The following CDH4 variants were observed in gnomAD, a reference collection of about 807,000 sequenced individuals.
CDH4 encodes the protein cadherin 4.
Under a neutral mutation model 86.0 loss-of-function variants are expected in CDH4, and 33 were observed. The ratio of observed to expected loss-of-function variants is 0.38; its 90% CI spans 0.29 to 0.51. CDH4 has a LOEUF of 0.51. CDH4 is among the 20% of genes least tolerant of loss of function. CDH4 has a pLI of 0.86. For missense variants in CDH4, 1,114 were observed against 1,307.4 expected, an observed-to-expected ratio of 0.85 and a Z score of 2.28; for synonymous variants, 555 against 549.4, an observed-to-expected ratio of 1.01 and a Z score of -0.14.
At chr20:61,936,256 C>A (rs989254355) in intron 15 of CDH4, among the ~76,000 whole-genome samples, 30 of 147,166 alleles carry the variant, frequency 2.0e-4, no homozygotes, top group Middle Eastern at 3.5e-3. Context: ...TCACCTCCCC[C>A]ACACCACCCC....
rs1568689118 is a variant in CDH4, at chr20:61,565,339, A to ATGGGGTGATGGTG, written c.170-178224_170-178223insTGGGGTGATGGTG. On this transcript the variant is annotated intron_variant, in intron 2 of 15. Coordinates refer to ENST00000614565, the MANE Select transcript of CDH4 (RefSeq NM_001794.5). ...TGGCGGTGCTCTTGGTGATGGTGGT[A>ATGGGGTGATGGTG]GTGGTCCTCTTGGTGATGGGGTGAT... Among the ~76,000 whole-genome samples the ATGGGGTGATGGTG allele has an allele frequency of 8.9e-4, 8 of 8,962 alleles. 1 individual carries two copies. Among genetic ancestry groups the ATGGGGTGATGGTG allele is most frequent in the Non-Finnish European group, 1.5e-3 (8 of 5,310 alleles). 5.9% of individuals were successfully genotyped at this position (8,962 alleles called of 152,430 possible). A position where few individuals can be genotyped will look rare whatever the true frequency, so the allele number is the denominator to read the frequency against.
intron 8 of CDH4, among the ~76,000 whole-genome samples, chr20:61,897,047 G>A (rs963392466): frequency 5.3e-5 from 8 of 152,234 alleles, no homozygotes; most frequent in East Asian, 1.9e-4. Flanking sequence ...TCTGAAAAAC[G>A]GCCAGCCCAG....
At chr20:61,406,591 C>T (rs6089501) in intron 2 of CDH4, among the ~76,000 whole-genome samples, 32,537 of 115,568 alleles carry the variant, frequency 0.28, 7,810 homozygotes, top group South Asian at 0.47. Flanking sequence ...TCTGCTCTGC[C>T]CAGACCACCA....
At chr20:61,341,497 A>G (rs1033128688) in intron 2 of CDH4, among the ~76,000 whole-genome samples, 3 of 150,848 alleles carry the variant, frequency 2.0e-5, no homozygotes, top group Non-Finnish European at 1.5e-5. Context: ...TCAGGGCAAG[A>G]TTACTTGGTT....
chr20:61,304,073 T>C (rs1289012252), intron 2 of CDH4, among the ~76,000 whole-genome samples: 1 of 152,150 alleles, frequency 6.6e-6, no homozygotes, highest in African/African-American at 2.4e-5. Flanking sequence ...TATGGGACCC[T>C]CAAGGAACCC....
intron 3 of CDH4, among the ~76,000 whole-genome samples, chr20:61,759,928 A>C (rs2088611853): frequency 6.6e-6 from 1 of 152,160 alleles, no homozygotes; most frequent in East Asian, 1.9e-4. Flanking sequence ...CGAGGTTGAG[A>C]AACCTGGTCT....
intron 3 of CDH4, among the ~76,000 whole-genome samples, chr20:61,764,274 C>T (rs532140426): frequency 3.6e-4 from 55 of 152,330 alleles, no homozygotes; most frequent in African/African-American, 1.3e-3. Context: ...GCACCTTGCC[C>T]GTGAACCCCG....
chr20:61,445,809 A>G (rs1477939850), intron 2 of CDH4, among the ~76,000 whole-genome samples: 2 of 152,250 alleles, frequency 1.3e-5, no homozygotes, highest in Non-Finnish European at 1.5e-5. Context: ...GCTGGACGCC[A>G]TGGTCCTTCG....
intron 2 of CDH4, among the ~76,000 whole-genome samples, chr20:61,652,953 T>A (rs1359853642): frequency 8.0e-6 from 1 of 124,346 alleles, no homozygotes. Context: ...TTTTTTTTTT[T>A]TTATTGATCA....
chr20:61,872,494 T>A (rs1463362372), intron 6 of CDH4, among the ~76,000 whole-genome samples: 1 of 151,882 alleles, frequency 6.6e-6, no homozygotes, highest in Non-Finnish European at 1.5e-5. Flanking sequence ...TCTCTGAGAC[T>A]GCCACCCCGC....
intron 4 of CDH4, among the ~76,000 whole-genome samples, chr20:61,787,778 T>C (rs1358616235): frequency 2.6e-5 from 4 of 152,196 alleles, no homozygotes; most frequent in Non-Finnish European, 1.5e-5. Context: ...CTGAATGCAG[T>C]GGCAGAGAGA....
At chr20:61,318,343 C>T (rs1332182746) in intron 2 of CDH4, among the ~76,000 whole-genome samples, 4 of 152,188 alleles carry the variant, frequency 2.6e-5, no homozygotes, top group South Asian at 2.1e-4. Flanking sequence ...TGAGTGCCAG[C>T]GGATGCAGCC....
chr20:61,801,953 C>T (rs988420340), intron 4 of CDH4, among the ~76,000 whole-genome samples: 9 of 152,234 alleles, frequency 5.9e-5, no homozygotes, highest in African/African-American at 1.9e-4. Context: ...GGATGAGAAC[C>T]CAGATGTCTC....
At chr20:61,282,732 C>A (rs1413392129) in intron 2 of CDH4, among the ~76,000 whole-genome samples, 1 of 152,210 alleles carries the variant, frequency 6.6e-6, no homozygotes, top group Non-Finnish European at 1.5e-5. Flanking sequence ...TGCATGCCCA[C>A]AAGCATGCAT....
intron 2 of CDH4, among the ~76,000 whole-genome samples, chr20:61,741,565 C>T (rs534286828): frequency 6.6e-6 from 1 of 152,000 alleles, no homozygotes; most frequent in South Asian, 2.1e-4. Flanking sequence ...GATCTCGGCT[C>T]ACTGCAAGCT....
intron 2 of CDH4, among the ~76,000 whole-genome samples, chr20:61,610,994 C>G (rs2086681050): frequency 1.3e-5 from 2 of 151,276 alleles, no homozygotes; most frequent in Non-Finnish European, 2.9e-5. Flanking sequence ...GGCCATGCCT[C>G]CCAGCAGGTC....
chr20:61,667,688 C>T (rs1168866860), intron 2 of CDH4, among the ~76,000 whole-genome samples: 2 of 152,118 alleles, frequency 1.3e-5, no homozygotes, highest in East Asian at 3.9e-4. Flanking sequence ...ACACTCATGC[C>T]CTGGGAGGCA....
chr20:61,356,379 G>C (rs1307575664), intron 2 of CDH4, among the ~76,000 whole-genome samples: 1 of 152,184 alleles, frequency 6.6e-6, no homozygotes, highest in Admixed American at 6.5e-5. Context: ...AGGTAAACAA[G>C]GGTTTAGGCA....
At chr20:61,512,685 A>G (rs1204990457) in intron 2 of CDH4, among the ~76,000 whole-genome samples, 1 of 152,186 alleles carries the variant, frequency 6.6e-6, no homozygotes, top group Non-Finnish European at 1.5e-5. Context: ...TCCAGGACTC[A>G]CCGTCTCATT....
Sources: allele counts gnomAD v4.1 joint callset (sites outside exome capture counted in the v4.1 genomes callset), GRCh38; gene constraint gnomAD v4.1.1; transcripts MANE v1.5; gene names NCBI Gene and HGNC (gene_info 2026-07-23, HGNC 2026-07-21).